COL14A1: variants seen among roughly 807,000 people sequenced by gnomAD.
COL14A1 encodes the protein collagen alpha-1(XIV) chain.
A neutral mutation model predicts 230.3 loss-of-function variants in COL14A1; 136 were observed. That is an observed-to-expected ratio of 0.59 (90% confidence interval 0.51 to 0.68). COL14A1 has a LOEUF of 0.68. Ranked by LOEUF, COL14A1 falls within the 30% of genes least tolerant of loss-of-function variation. COL14A1 has a pLI of 0.00. For missense variants in COL14A1, 1,976 were observed against 2,215.8 expected, an observed-to-expected ratio of 0.89 and a Z score of 2.17; for synonymous variants, 792 against 784.1, an observed-to-expected ratio of 1.01 and a Z score of -0.17.
intron 34 of COL14A1, among the ~76,000 whole-genome samples, chr8:120,294,090 G>A (rs766641111): frequency 4.0e-5 from 6 of 151,632 alleles, no homozygotes; most frequent in Non-Finnish European, 8.9e-5. Flanking sequence ...GCAGTGTAAA[G>A]CTCTCTAGAT....
At chr8:120,192,900 C>A (rs1335292002) in intron 5 of COL14A1, among the ~76,000 whole-genome samples, 1 of 152,168 alleles carries the variant, frequency 6.6e-6, no homozygotes, top group Admixed American at 6.5e-5. Flanking sequence ...GCTCCATCAG[C>A]TCCTTTAAGC....
At chr8:120,175,109 G>T (rs371497601) in intron 5 of COL14A1, among the ~76,000 whole-genome samples, 1 of 152,154 alleles carries the variant, frequency 6.6e-6, no homozygotes, top group East Asian at 1.9e-4. Context: ...TAGTTTAAAC[G>T]CAGAGTTAAG....
intron 25 of COL14A1, among the ~76,000 whole-genome samples, chr8:120,267,329 G>A (rs923850995): frequency 4.0e-5 from 6 of 151,848 alleles, no homozygotes; most frequent in African/African-American, 1.4e-4. Context: ...CAACAAAGTA[G>A]TGATCATTAT....
At chr8:120,152,071 A>G (rs1160719101) in intron 2 of COL14A1, among the ~76,000 whole-genome samples, 2 of 152,142 alleles carry the variant, frequency 1.3e-5, no homozygotes, top group Non-Finnish European at 1.5e-5. Context: ...ATTGATTTCA[A>G]ACTTCTGACC....
chr8:120,197,317 C>A (rs1256167538), intron 6 of COL14A1, among the ~76,000 whole-genome samples: 5 of 151,950 alleles, frequency 3.3e-5, no homozygotes, highest in Non-Finnish European at 5.9e-5. Context: ...TACAAGATAA[C>A]CTTTGCCAAA....
chr8:120,273,656 T>C (rs187496176), intron 26 of COL14A1, among the ~76,000 whole-genome samples: 320 of 151,770 alleles, frequency 2.1e-3, no homozygotes, highest in African/African-American at 7.1e-3. Flanking sequence ...AAGACTATTA[T>C]GAACACCTCT....
chr8:120,285,742 A>G (rs1820175513), intron 32 of COL14A1, 119 bp from the exon 33 acceptor site: 1 of 685,270 alleles, frequency 1.5e-6, no homozygotes. Flanking sequence ...TACTCATCAC[A>G]TCATTCTAAA....
intron 47 of COL14A1, chr8:120,370,208 A>G: frequency 1.1e-6 from 1 of 940,350 alleles, no homozygotes; most frequent in Non-Finnish European, 1.6e-6. Context: ...ATGGGTTTAA[A>G]ATTTTCTGCT....
At chr8:120,163,008 C>A (rs2130548258) in intron 4 of COL14A1, among the ~76,000 whole-genome samples, 1 of 152,264 alleles carries the variant, frequency 6.6e-6, no homozygotes, top group African/African-American at 2.4e-5. Flanking sequence ...ATATTACAGG[C>A]CTGGCATATA....
At chr8:120,157,215 A>G (rs1734380194) in intron 2 of COL14A1, among the ~76,000 whole-genome samples, 1 of 152,202 alleles carries the variant, frequency 6.6e-6, no homozygotes, top group South Asian at 2.1e-4. Context: ...TGTGCTTTGT[A>G]TCTTTCTGAC....
At chr8:120,370,598 A>G (rs552553524) in intron 47 of COL14A1, 1 of 1,451,642 alleles carries the variant, frequency 6.9e-7, no homozygotes, top group South Asian at 1.4e-5. Context: ...GTCTATTTTA[A>G]TAGACACTGA....
rs75053208 is a variant in COL14A1, at chr8:120,226,545, T to C, written c.1865-82T>C. On this transcript the variant is annotated intron_variant, in intron 15 of 47. Coordinates refer to ENST00000297848, the MANE Select transcript of COL14A1 (RefSeq NM_021110.4). ...AAAGCAAAAGATTCCTCAAAGAGTC[T>C]TCTACACCCCTGGGAGATACTTGGG... 6,938 of 1,475,450 alleles carry C rather than the reference T, an allele frequency of 4.7e-3. 309 individuals are homozygous for C. The Admixed American group carries it at 0.081, about 17-fold the overall frequency. The allele number at this position is 1,475,450 out of a possible 1,614,324, so 91.4% of individuals were successfully genotyped here. A position where few individuals can be genotyped will look rare whatever the true frequency, so the allele number is the denominator to read the frequency against.
At chr8:120,317,459 G>A (rs555235159) in intron 40 of COL14A1, among the ~76,000 whole-genome samples, 8 of 152,146 alleles carry the variant, frequency 5.3e-5, no homozygotes, top group Non-Finnish European at 1.0e-4. Context: ...TCTGAAGAAG[G>A]CATTCTGTAA....
At chr8:120,302,548 A>G (rs765586933) in intron 36 of COL14A1, among the ~76,000 whole-genome samples, 5 of 151,970 alleles carry the variant, frequency 3.3e-5, no homozygotes, top group Middle Eastern at 3.2e-3. Context: ...TCAGATGGTC[A>G]TAGGTATGTT....
At chr8:120,210,609 A>G (rs1338226495) in intron 12 of COL14A1, among the ~76,000 whole-genome samples, 1 of 152,224 alleles carries the variant, frequency 6.6e-6, no homozygotes, top group Non-Finnish European at 1.5e-5. Context: ...CAAACATTTT[A>G]GTCCTCATTT....
intron 35 of COL14A1, among the ~76,000 whole-genome samples, chr8:120,298,800 A>T (rs186916497): frequency 1.3e-5 from 2 of 150,872 alleles, no homozygotes; most frequent in Non-Finnish European, 3.0e-5. Flanking sequence ...TTATAACCGT[A>T]TTAGTTTGTT....
At chr8:120,242,815 C>G (rs1250006264) in intron 19 of COL14A1, among the ~76,000 whole-genome samples, 1 of 152,128 alleles carries the variant, frequency 6.6e-6, no homozygotes, top group Admixed American at 6.6e-5. Flanking sequence ...AAGGGCTTAG[C>G]AATATCTTAG....
intron 5 of COL14A1, among the ~76,000 whole-genome samples, chr8:120,171,411 C>T (rs12541735): frequency 0.63 from 96,145 of 152,006 alleles, 30,690 homozygotes; most frequent in African/African-American, 0.7. Context: ...GTATCCACTT[C>T]CCTTCACAGA....
intron 5 of COL14A1, among the ~76,000 whole-genome samples, chr8:120,170,699 A>T (rs922814664): frequency 2.0e-5 from 3 of 152,000 alleles, no homozygotes; most frequent in African/African-American, 4.8e-5. Flanking sequence ...TAAAAATAAG[A>T]ATTATTGTAT....
Sources: gnomAD v4.1 joint callset for allele counts (sites outside exome capture counted in the v4.1 genomes callset) on GRCh38, gnomAD v4.1.1 for gene constraint, MANE v1.5 for transcripts, NCBI Gene and HGNC (gene_info 2026-07-23, HGNC 2026-07-21) for gene names.